CENPT: variants seen among roughly 807,000 people sequenced by gnomAD.
CENPT encodes centromere protein T.
CENPT carries 42 observed loss-of-function variants against 59.7 expected under a neutral mutation model. That is an observed-to-expected ratio of 0.70 (90% CI 0.55 to 0.91). The LOEUF (loss-of-function observed/expected upper bound fraction) is 0.91. CENPT is among the 40% of genes least tolerant of loss of function. The probability of loss-of-function intolerance (pLI) is 0.00; values close to 1 mark genes in which losing one functional copy is unlikely to be tolerated. For missense variants in CENPT, 716 were observed against 713.4 expected, an observed-to-expected ratio of 1.00 and a Z score of -0.04; for synonymous variants, 295 against 289.6, an observed-to-expected ratio of 1.02 and a Z score of -0.19.
At position 67,842,572 on chromosome 16, in the gene CENPT, C is replaced by T. The variant is rs772198898; in HGVS notation, c.-492+4829G>A. On this transcript the variant is annotated intron_variant, in intron 1 of 15. Transcript: ENST00000562787. The surrounding 1 kb of genome is among the most constrained non-coding windows in gnomAD (Gnocchi z 4.9). ...GCGCAGCCATGCCTGGCTTTACGTG[C>T]TGCGTGCCAGGCTGCTACAACAACT... 1.6e-3 allele frequency: 2,458 copies of T among 1,537,622 alleles called. 4 individuals are homozygous for T. The highest frequency in any genetic ancestry group is 2.0e-3 in the Non-Finnish European group (2,226 of 1,138,564).
chr16:67,838,442 T>C (rs544442562), intron 1 of CENPT, among the ~76,000 whole-genome samples: 1 of 150,710 alleles, frequency 6.6e-6, no homozygotes, highest in South Asian at 2.1e-4. Context: ...GACAACGTGG[T>C]GAAACCTCAT....
intron 1 of CENPT, among the ~76,000 whole-genome samples, chr16:67,844,501 T>G (rs778876823): frequency 6.6e-6 from 1 of 152,224 alleles, no homozygotes; most frequent in African/African-American, 2.4e-5. Context: ...TATATTGTGA[T>G]AGTTCGCCTC....
In CENPT at chr16:67,842,506, C is replaced by G; in HGVS notation, c.-492+4895G>C. The G allele has an allele frequency of 1.4e-6, 2 of 1,425,406 alleles. No homozygotes were observed. Among genetic ancestry groups the G allele is most frequent in the East Asian group, 2.7e-5 (1 of 37,642 alleles). The allele number at this position is 1,425,406 out of a possible 1,614,324, so 88.3% of individuals were successfully genotyped here. A position where few individuals can be genotyped will look rare whatever the true frequency, so the allele number is the denominator to read the frequency against. On this transcript the variant is annotated intron_variant, in intron 1 of 15. Transcript: ENST00000562787. This position sits in a 1 kb window ranked among gnomAD's most constrained non-coding sequence, Gnocchi z 4.9. Reference sequence around the variant, plus strand: ...GGCGGCGGCGTAGCCACTGGGCCGTCGAAGAGCGCAGGAGGCCGGTGGGCC... The same window carrying G: ...GGCGGCGGCGTAGCCACTGGGCCGTGGAAGAGCGCAGGAGGCCGGTGGGCC...
intron 1 of CENPT, among the ~76,000 whole-genome samples, chr16:67,844,889 AG>A (rs1310745059): frequency 1.3e-5 from 2 of 151,822 alleles, no homozygotes; most frequent in African/African-American, 4.8e-5. Flanking sequence ...CCCAGGTTCA[AG>A]CAATTCTTCT....
intron 1 of CENPT, among the ~76,000 whole-genome samples, chr16:67,846,517 G>A (rs2057799905): frequency 1.3e-5 from 2 of 152,246 alleles, no homozygotes; most frequent in African/African-American, 4.8e-5. Flanking sequence ...AGGGGAGGGG[G>A]TTTCGTGAGC....
chr16:67,840,940 G>A (rs1220141079), intron 1 of CENPT, among the ~76,000 whole-genome samples: 1 of 149,988 alleles, frequency 6.7e-6, no homozygotes, highest in African/African-American at 2.5e-5. Flanking sequence ...CGAGCAGATT[G>A]CCTGAGCTCA....
At chr16:67,829,250 G>A in intron 13 of CENPT, 173 bp downstream of exon 13, 1 of 560,928 alleles carries the variant, frequency 1.8e-6, no homozygotes, top group Non-Finnish European at 3.0e-6. Context: ...AGCCGTGGAG[G>A]CAGGCACCAG....
chr16:67,835,711 A>G (rs1460686507), intron 1 of CENPT, 53 bp from the exon 2 acceptor site: 1 of 152,204 alleles, frequency 6.6e-6, no homozygotes, highest in Non-Finnish European at 1.5e-5. Context: ...TCAAAATAAG[A>G]GAACTGTAGA....
intron 1 of CENPT, chr16:67,847,038 C>T (rs894045764): frequency 2.0e-5 from 3 of 151,644 alleles, no homozygotes; most frequent in African/African-American, 4.8e-5. Flanking sequence ...AGGAGCCGCT[C>T]TCTGGGCTGC....
In CENPT at chr16:67,830,105, G is replaced by A; in HGVS notation, c.863-17C>T. ...TCCCAGGGCCTGAGTGAAGGGGAGA[G>A]AATACAGGCCGGAGACGCAGCAGGC... On this transcript the variant is annotated splice_polypyrimidine_tract_variant and intron_variant, in intron 11 of 15. Coordinates refer to ENST00000562787, the MANE Select transcript of CENPT (RefSeq NM_025082.4). 6.2e-7 allele frequency: 1 copy of A among 1,611,884 alleles called. No individual in the cohort carries two copies. The highest frequency in any genetic ancestry group is 8.5e-7 in the Non-Finnish European group (1 of 1,178,272).
intron 1 of CENPT, among the ~76,000 whole-genome samples, chr16:67,841,123 A>T (rs145627935): frequency 0.077 from 8,429 of 109,834 alleles, 346 homozygotes; most frequent in Middle Eastern, 0.24. Context: ...TGAACCCAGG[A>T]GGCGGAGGTT....
At position 67,829,813 on chromosome 16, in the gene CENPT, C is replaced by T; in HGVS notation, c.1138G>A (p.Asp380Asn). The T allele has an allele frequency of 6.2e-7, 1 of 1,614,252 alleles. No individual in the cohort carries two copies. Among genetic ancestry groups the T allele is most frequent in the Non-Finnish European group, 8.5e-7 (1 of 1,180,038 alleles). Reference protein sequence around the residue: ...AEGSQGTAEADGPGASSGDED... With the variant: ...AEGSQGTAEANGPGASSGDED... Reference sequence around the variant, plus strand: ...TCCCCTGAAGATGCTCCTGGCCCGTCAGCCTCAGCAGTCCCCTGGGATCCC... The same window carrying T: ...TCCCCTGAAGATGCTCCTGGCCCGTTAGCCTCAGCAGTCCCCTGGGATCCC... Residue 380 changes from aspartate (D) to asparagine (N), a missense_variant, in exon 12 of 16, where the codon GAC (aspartate) becomes AAC (asparagine). By Grantham distance (23) the Asp-to-Asn change is conservative. Transcript: ENST00000562787.
chr16:67,833,769 G>A lies in CENPT; in HGVS notation c.91C>T (p.Pro31Ser). 6.4e-7 allele frequency: 1 copy of A among 1,557,082 alleles called. No homozygotes were observed. Among genetic ancestry groups the A allele is most frequent in the Non-Finnish European group, 8.7e-7 (1 of 1,154,406 alleles). Residue 31 changes from proline (P) to serine (S), a missense_variant, in exon 4 of 16, where the codon CCC becomes TCC. By Grantham distance (74) the Pro-to-Ser change is moderately conservative. Transcript: ENST00000562787. ...ACATACCCAGCCCGAGCACTCCGGG[G>A]TCGCCGCGGGGTGCGCGGGTCCGCT... ...DTADPRTPRR[P>S]RSARAGARRA...
At chr16:67,832,400 ACC>A in intron 5 of CENPT, 53 bp downstream of exon 5, 1 of 1,607,634 alleles carries the variant, frequency 6.2e-7, no homozygotes, top group Non-Finnish European at 8.5e-7. Context: ...CTAGACCTCA[ACC>A]CCCCTCCCCG....
rs1284868865 is a variant in CENPT at position 67,828,461 on chromosome 16, T to C, written c.1562+13A>G. ...TCCCCCAGCCAGCACCCCCACACCT[T>C]CCGCCTTCTCACCGCCGCATCAGCA... is the stretch of plus-strand genomic sequence containing the variant. On this transcript the variant is annotated intron_variant, in intron 15 of 15. Transcript: ENST00000562787. 6.2e-7 allele frequency: 1 copy of C among 1,614,134 alleles called. No individual in the cohort carries two copies. Among genetic ancestry groups the C allele is most frequent in the East Asian group, 2.2e-5 (1 of 44,878 alleles).
In CENPT at chr16:67,843,554, C is replaced by T. The variant is rs1352782882; in HGVS notation, c.-492+3847G>A. 4 of 1,552,614 alleles carry T rather than the reference C, an allele frequency of 2.6e-6. No individual in the cohort carries two copies. The highest frequency in any genetic ancestry group is 3.5e-6 in the Non-Finnish European group (4 of 1,146,382). ...CAGACCCCATCCAGCCAGGGGACCG[C>T]AGGCCATTGTTGAACTCCTCTATAC... is the stretch of plus-strand genomic sequence containing the variant. On this transcript the variant is annotated intron_variant, in intron 1 of 15. Transcript: ENST00000562787. The surrounding 1 kb of genome is among the most constrained non-coding windows in gnomAD (Gnocchi z 5.7).
At chr16:67,832,597 A>C (rs747174381) in intron 4 of CENPT, 52 bp from the exon 5 acceptor site, 2 of 1,511,590 alleles carry the variant, frequency 1.3e-6, no homozygotes, top group Admixed American at 3.4e-5. Flanking sequence ...AGGGATAGAG[A>C]ATATAGAGAC....
chr16:67,836,270 C>A (rs1488097080), intron 1 of CENPT, among the ~76,000 whole-genome samples: 1 of 146,232 alleles, frequency 6.8e-6, no homozygotes, highest in Non-Finnish European at 1.5e-5. Context: ...CCATGTTGGC[C>A]AAGATGGTCT....
intron 1 of CENPT, among the ~76,000 whole-genome samples, chr16:67,835,938 CG>C (rs1228299026): frequency 6.6e-6 from 1 of 151,374 alleles, no homozygotes; most frequent in Admixed American, 6.6e-5. Context: ...TGTATAGAGA[CG>C]GGGTTTCACC....
Sources: gnomAD v4.1 joint callset for allele counts (sites outside exome capture counted in the v4.1 genomes callset) on GRCh38, gnomAD v4.1.1 for gene constraint, Gnocchi (gnomAD v3.1) non-coding constraint, MANE v1.5 for transcripts, NCBI Gene and HGNC (gene_info 2026-07-23, HGNC 2026-07-21) for gene names.